Variants in CASD1 observed in about 807,000 individuals in gnomAD.
The protein encoded by CASD1 is N-acetylneuraminate (7)9-O-acetyltransferase.
CASD1 carries 41 observed loss-of-function variants against 100.0 expected under a neutral mutation model. The ratio of observed to expected loss-of-function variants is 0.41; its 90% CI spans 0.32 to 0.53. The LOEUF (loss-of-function observed/expected upper bound fraction) is 0.53, where lower values mean the gene tolerates loss of function less well. Among genes scored for constraint, CASD1 ranks in the 20% least tolerant of loss-of-function variants. The pLI is 0.25. For missense variants in CASD1, 774 were observed against 948.7 expected, an observed-to-expected ratio of 0.82 and a Z score of 2.42; for synonymous variants, 321 against 315.6, an observed-to-expected ratio of 1.02 and a Z score of -0.18.
At chr7:94,578,867 G>GA in the CASD1 span, among the ~76,000 whole-genome samples, 3 of 152,170 alleles carry the variant, frequency 2.0e-5, no homozygotes, top group Non-Finnish European at 4.4e-5. Context: ...TGCTAAGCAT[G>GA]AGTGGCACAT....
chr7:94,548,312 G>T (rs1303872143), intron 13 of CASD1, among the ~76,000 whole-genome samples: 1 of 151,708 alleles, frequency 6.6e-6, no homozygotes, highest in Non-Finnish European at 1.5e-5. Context: ...TTTTTAATTA[G>T]AGATAAAATT....
At position 94,538,928 on chromosome 7, in the gene CASD1, A is replaced by G. The variant is rs1217567241; in HGVS notation, c.1267-39A>G. 3.7e-6 allele frequency: 4 copies of G among 1,088,238 alleles called. No individual in the cohort carries two copies. The South Asian group carries it at 5.8e-5, about 16-fold the overall frequency. 67.4% of individuals were successfully genotyped at this position (1,088,238 alleles called of 1,614,324 possible). A position where few individuals can be genotyped will look rare whatever the true frequency, so the allele number is the denominator to read the frequency against. ...TTATATGCCGTTAAATAATTTCTTC[A>G]TGATAAATTTTAAAACAGATTTTGG... On this transcript the variant is annotated intron_variant, in intron 9 of 17. Transcript: ENST00000297273.
chr7:94,520,277 G>A (rs1794195693), intron 3 of CASD1, among the ~76,000 whole-genome samples: 2 of 152,064 alleles, frequency 1.3e-5, no homozygotes, highest in Non-Finnish European at 2.9e-5. Context: ...AGCATAATCT[G>A]GCATATTATA....
intron 10 of CASD1, among the ~76,000 whole-genome samples, chr7:94,541,728 G>C (rs1200777189): frequency 2.0e-5 from 3 of 151,716 alleles, no homozygotes; most frequent in African/African-American, 7.3e-5. Context: ...AACTTTTGTT[G>C]TAGGTAATAC....
intron 10 of CASD1, among the ~76,000 whole-genome samples, chr7:94,541,494 A>C (rs1299695019): frequency 6.7e-6 from 1 of 148,382 alleles, no homozygotes; most frequent in Non-Finnish European, 1.5e-5. Flanking sequence ...TACAAAGAGA[A>C]TAGTAAGTTT....
At chr7:94,585,908 A>G in the CASD1 span, among the ~76,000 whole-genome samples, 1 of 151,982 alleles carries the variant, frequency 6.6e-6, no homozygotes, top group African/African-American at 2.4e-5. Flanking sequence ...CATCAAACCT[A>G]ATGGTTTGGG....
At chr7:94,568,212 C>T in the CASD1 span, among the ~76,000 whole-genome samples, 3 of 152,098 alleles carry the variant, frequency 2.0e-5, no homozygotes, top group South Asian at 2.1e-4. Context: ...GTAAAAAGTA[C>T]ATAAATCGTC....
chr7:94,628,274 C>T, the CASD1 span: 1 of 1,611,628 alleles, frequency 6.2e-7, no homozygotes, highest in Non-Finnish European at 8.5e-7. Context: ...TATATGGTGT[C>T]CTTTGGATAT....
chr7:94,587,284 A>G, the CASD1 span: 1 of 989,270 alleles, frequency 1.0e-6, no homozygotes, highest in South Asian at 4.7e-5. Context: ...CCCTAATATC[A>G]TCTACTCAAG....
intron 5 of CASD1, among the ~76,000 whole-genome samples, chr7:94,528,516 C>T (rs1332025351): frequency 6.6e-6 from 1 of 152,152 alleles, no homozygotes; most frequent in Non-Finnish European, 1.5e-5. Flanking sequence ...TCTTCTGTTA[C>T]TGCTGTAGTT....
At chr7:94,567,559 C>A in the CASD1 span, among the ~76,000 whole-genome samples, 2 of 152,084 alleles carry the variant, frequency 1.3e-5, no homozygotes, top group South Asian at 4.2e-4. Context: ...AAAGAAGACA[C>A]CAGAGAGTTT....
At chr7:94,586,935 C>T in the CASD1 span, 1 of 980,538 alleles carries the variant, frequency 1.0e-6, no homozygotes, top group Non-Finnish European at 1.2e-6. Context: ...ACAATAACAA[C>T]AAAACAACCA....
the CASD1 span, among the ~76,000 whole-genome samples, chr7:94,584,067 C>T: frequency 6.6e-6 from 1 of 152,178 alleles, no homozygotes; most frequent in African/African-American, 2.4e-5. Flanking sequence ...TTCAATACCT[C>T]AATATGGTCA....
the CASD1 span, chr7:94,598,686 A>AC: frequency 4.2e-6 from 4 of 961,824 alleles, no homozygotes; most frequent in African/African-American, 1.6e-5. Context: ...ATAAACAAAC[A>AC]AACACAACAA....
intron 3 of CASD1, among the ~76,000 whole-genome samples, chr7:94,521,167 A>T (rs1794248512): frequency 6.6e-6 from 1 of 152,296 alleles, no homozygotes; most frequent in East Asian, 1.9e-4. Flanking sequence ...CTGGGGTTAA[A>T]ATTTCTGTGT....
At chr7:94,633,797 TG>T in the CASD1 span, among the ~76,000 whole-genome samples, 7 of 152,188 alleles carry the variant, frequency 4.6e-5, no homozygotes, top group African/African-American at 1.7e-4. Flanking sequence ...GAAAGTACTA[TG>T]GTGGTACGCT....
At chr7:94,526,179 C>T (rs918921684) in intron 3 of CASD1, among the ~76,000 whole-genome samples, 4 of 152,208 alleles carry the variant, frequency 2.6e-5, no homozygotes, top group African/African-American at 9.6e-5. Flanking sequence ...ACTACTCTAA[C>T]GTCTTAACAA....
chr7:94,628,550 T>A, the CASD1 span: 114 of 567,152 alleles, frequency 2.0e-4, no homozygotes, highest in Non-Finnish European at 3.3e-4. Context: ...GGTTGTTTAA[T>A]TTGTTTCAAA....
At chr7:94,515,057 A>C (rs1434687198) in intron 1 of CASD1, among the ~76,000 whole-genome samples, 1 of 152,114 alleles carries the variant, frequency 6.6e-6, no homozygotes, top group Admixed American at 6.5e-5. Flanking sequence ...TTATAATAGT[A>C]GTAGTAATTT....
Sources: gnomAD v4.1 joint callset for allele counts (sites outside exome capture counted in the v4.1 genomes callset) on GRCh38, gnomAD v4.1.1 for gene constraint, MANE v1.5 for transcripts, NCBI Gene and HGNC (gene_info 2026-07-23, HGNC 2026-07-21) for gene names.